The following DLGAP2 variants were observed in gnomAD, a reference collection of about 807,000 sequenced individuals.
DLGAP2 encodes the protein disks large-associated protein 2.
A neutral mutation model predicts 100.3 loss-of-function variants in DLGAP2; 26 were observed. The observed-to-expected ratio is 0.26, with a 90% CI of 0.19 to 0.36. The LOEUF is 0.36. Among genes scored for constraint, DLGAP2 ranks in the 10% least tolerant of loss-of-function variants. The probability of loss-of-function intolerance (pLI) is 1.00; values close to 1 mark genes in which losing one functional copy is unlikely to be tolerated. For synonymous variants in DLGAP2, 886 were observed against 630.1 expected (o/e 1.41, Z -6.08); for missense variants, 1,858 against 1,453.2 (o/e 1.28, Z -4.53).
intron 1 of DLGAP2, among the ~76,000 whole-genome samples, chr8:795,516 C>A (rs1796007147): frequency 1.3e-5 from 2 of 152,224 alleles, no homozygotes; most frequent in East Asian, 1.9e-4. Context: ...ATGCAAAGGA[C>A]AGATGTGTGC....
At chr8:1,585,082 C>G (rs1002632533) in intron 6 of DLGAP2, among the ~76,000 whole-genome samples, 1 of 152,160 alleles carries the variant, frequency 6.6e-6, no homozygotes, top group Non-Finnish European at 1.5e-5. Flanking sequence ...ACTTCAACAT[C>G]TAGTTTTTGG....
chr8:1,159,818 T>C (rs940082593), intron 2 of DLGAP2, among the ~76,000 whole-genome samples: 2 of 152,232 alleles, frequency 1.3e-5, no homozygotes, highest in African/African-American at 4.8e-5. Context: ...ATTGATTGAT[T>C]ACCTGGAACA....
At chr8:1,265,374 C>G (rs1250744249) in intron 3 of DLGAP2, among the ~76,000 whole-genome samples, 1 of 152,034 alleles carries the variant, frequency 6.6e-6, no homozygotes, top group Non-Finnish European at 1.5e-5. Flanking sequence ...AGAGAGTTGC[C>G]AAACTGGGAA....
chr8:1,251,006 C>G (rs984671113), intron 2 of DLGAP2, among the ~76,000 whole-genome samples: 2 of 152,298 alleles, frequency 1.3e-5, no homozygotes, highest in East Asian at 1.9e-4. Context: ...TAGGGGTTGG[C>G]TTTCTGCTAC....
intron 2 of DLGAP2, among the ~76,000 whole-genome samples, chr8:973,681 C>T (rs1162340700): frequency 6.6e-6 from 1 of 152,250 alleles, no homozygotes; most frequent in Non-Finnish European, 1.5e-5. Flanking sequence ...TTCTCAGTTC[C>T]AGCTCCTTTC....
intron 1 of DLGAP2, among the ~76,000 whole-genome samples, chr8:848,266 G>C (rs1305479922): frequency 6.6e-6 from 1 of 151,896 alleles, no homozygotes; most frequent in Admixed American, 6.5e-5. Flanking sequence ...TTCCAGTATA[G>C]GATCGTGTGG....
At chr8:1,326,481 T>C (rs1394445452) in intron 3 of DLGAP2, among the ~76,000 whole-genome samples, 2 of 151,818 alleles carry the variant, frequency 1.3e-5, no homozygotes, top group African/African-American at 2.4e-5. Context: ...ACGCGCTCGG[T>C]CTCGGTCCGG....
At chr8:1,066,043 G>A (rs924871684) in intron 2 of DLGAP2, among the ~76,000 whole-genome samples, 5 of 152,240 alleles carry the variant, frequency 3.3e-5, no homozygotes, top group African/African-American at 4.8e-5. Context: ...AGGTCCGCTC[G>A]CTGGCTTGTG....
intron 2 of DLGAP2, among the ~76,000 whole-genome samples, chr8:1,206,336 A>AGCGGTT (rs1797989234): frequency 6.7e-6 from 1 of 148,532 alleles, no homozygotes; most frequent in African/African-American, 2.5e-5. Flanking sequence ...GTAGACTGTG[A>AGCGGTT]ATGGTTAATC....
chr8:857,844 C>T (rs1441867578), intron 1 of DLGAP2, among the ~76,000 whole-genome samples: 1 of 151,844 alleles, frequency 6.6e-6, no homozygotes, highest in African/African-American at 2.4e-5. Flanking sequence ...TACTTGAAAA[C>T]TTCTGTTCAC....
At chr8:1,674,692 G>T (rs998978925) in intron 10 of DLGAP2, among the ~76,000 whole-genome samples, 3 of 152,136 alleles carry the variant, frequency 2.0e-5, no homozygotes, top group Non-Finnish European at 4.4e-5. Flanking sequence ...CTCCCGTCTG[G>T]TGAATATATT....
chr8:1,549,720 C>A, intron 5 of DLGAP2, 37 bp downstream of exon 5: 1 of 1,499,290 alleles, frequency 6.7e-7, no homozygotes, highest in East Asian at 2.5e-5. Context: ...GCCGTCTCGG[C>A]ACAGCAGGTG....
chr8:1,156,555 C>T (rs1463399145), intron 2 of DLGAP2, among the ~76,000 whole-genome samples: 2 of 152,098 alleles, frequency 1.3e-5, no homozygotes, highest in South Asian at 2.1e-4. Context: ...ATCCCGGCCA[C>T]GCTCTAGCTC....
At chr8:1,267,694 C>G (rs192337346) in intron 3 of DLGAP2, among the ~76,000 whole-genome samples, 6 of 152,070 alleles carry the variant, frequency 3.9e-5, no homozygotes, top group Non-Finnish European at 1.5e-5. Flanking sequence ...GAGACGCCCA[C>G]GTCCTCCGTG....
intron 2 of DLGAP2, among the ~76,000 whole-genome samples, chr8:1,100,074 C>T (rs1015756909): frequency 1.3e-5 from 2 of 152,264 alleles, no homozygotes; most frequent in Non-Finnish European, 2.9e-5. Flanking sequence ...TGCCATCCTG[C>T]TCTGCCCTGC....
At chr8:750,430 G>C (rs556574696) in intron 1 of DLGAP2, among the ~76,000 whole-genome samples, 65 of 152,320 alleles carry the variant, frequency 4.3e-4, no homozygotes, top group African/African-American at 1.5e-3. Flanking sequence ...AAAATCAAGT[G>C]TATTTAGAAA....
rs142151062 is a variant in DLGAP2 at position 910,111 on chromosome 8, C to T, written c.73+2145C>T. On this transcript the variant is annotated intron_variant, in intron 2 of 14. Coordinates refer to ENST00000637795, the MANE Select transcript of DLGAP2 (RefSeq NM_001346810.2). The stretch of plus-strand genomic sequence containing the variant: ...CAGATGGAGGGTGGGGACGGCTGCC[C>T]GGCCGTGAGAATGTAGCGAATGCTC... 2.9e-4 allele frequency among the ~76,000 whole-genome samples: 44 copies of T among 152,284 alleles called. No homozygotes were observed. The East Asian group carries it at 7.5e-3, about 26-fold the overall frequency.
At chr8:761,458 C>T (rs1030167459) in intron 1 of DLGAP2, among the ~76,000 whole-genome samples, 3 of 152,150 alleles carry the variant, frequency 2.0e-5, no homozygotes, top group African/African-American at 7.2e-5. Flanking sequence ...TAATAATGGC[C>T]GGGCCTTCTG....
intron 3 of DLGAP2, among the ~76,000 whole-genome samples, chr8:1,293,245 C>T (rs947267020): frequency 1.3e-5 from 2 of 152,246 alleles, no homozygotes; most frequent in African/African-American, 2.4e-5. Context: ...CCCACATGCC[C>T]TCTCCCTCTC....
Sources: gnomAD v4.1 joint callset for allele counts (sites outside exome capture counted in the v4.1 genomes callset) on GRCh38, gnomAD v4.1.1 for gene constraint, MANE v1.5 for transcripts, NCBI Gene and HGNC (gene_info 2026-07-23, HGNC 2026-07-21) for gene names.